The following RAB33A variants were observed in gnomAD, a reference collection of about 807,000 sequenced individuals.
RAB33A encodes the protein RAB33A, member RAS oncogene family.
A neutral mutation model predicts 12.0 loss-of-function variants in RAB33A; 6 were observed. That is an observed-to-expected ratio of 0.50 (90% CI 0.27 to 0.99). The LOEUF (loss-of-function observed/expected upper bound fraction) is 0.99, where lower values mean the gene tolerates loss of function less well. Among genes scored for constraint, RAB33A ranks in the 50% least tolerant of loss-of-function variants. The pLI, the probability that RAB33A is intolerant of heterozygous loss-of-function variation, is 0.11. For synonymous variants in RAB33A, 70 were observed against 82.4 expected (o/e 0.85, Z 0.81); for missense variants, 109 against 192.0 (o/e 0.57, Z 2.55).
the RAB33A span, chrX:130,147,688 T>C: frequency 8.3e-7 from 1 of 1,211,663 alleles, no homozygotes; most frequent in Non-Finnish European, 1.1e-6. Context: ...TGTCAAAGCA[T>C]TCACATTAGC....
Position 130,184,802 on chromosome X carries a change from TG to T in RAB33A, c.*63del, listed in dbSNP as rs774574599. 165 of 1,022,237 alleles carry T rather than the reference TG, an allele frequency of 1.6e-4. 1 individual carries two copies. The South Asian group carries it at 3.4e-3, about 21-fold the overall frequency. 84.2% of individuals were successfully genotyped at this position (1,022,237 alleles called of 1,213,427 possible). A position where few individuals can be genotyped will look rare whatever the true frequency, so the allele number is the denominator to read the frequency against. On this transcript the variant is annotated 3_prime_UTR_variant, in exon 2 of 2. Coordinates refer to ENST00000257017, the MANE Select transcript of RAB33A (RefSeq NM_004794.3). Reference sequence around the variant, plus strand: ...GAGTTTTTTCTTTCCCTTTTTTCTGTGCCTGCATAATGCTGACACCTGCTTG... The same window carrying T: ...GAGTTTTTTCTTTCCCTTTTTTCTGTCCTGCATAATGCTGACACCTGCTTG...
the RAB33A span, among the ~76,000 whole-genome samples, chrX:130,124,183 A>AATCCC: frequency 8.9e-6 from 1 of 111,901 alleles, no homozygotes; most frequent in African/African-American, 3.3e-5. Flanking sequence ...TGACACTGAT[A>AATCCC]ATCCCTGTTG....
At chrX:130,131,912 C>T in the RAB33A span, 42 of 992,895 alleles carry the variant, frequency 4.2e-5, no homozygotes, top group Non-Finnish European at 5.9e-5. Context: ...TCACTCGTTG[C>T]CCAGGCTGGA....
chrX:130,144,166 TTTC>T, the RAB33A span, among the ~76,000 whole-genome samples: 17 of 111,501 alleles, frequency 1.5e-4, no homozygotes, highest in South Asian at 7.5e-4. Flanking sequence ...TACCTCTTAC[TTTC>T]TTCTTCTTCT....
At chrX:130,137,537 C>T in the RAB33A span, 2 of 1,164,166 alleles carry the variant, frequency 1.7e-6, no homozygotes, top group Admixed American at 5.3e-5. Flanking sequence ...TGAAAAAGAA[C>T]ATTAAGAAAA....
At chrX:130,132,359 AAT>A in the RAB33A span, among the ~76,000 whole-genome samples, 1 of 112,172 alleles carries the variant, frequency 8.9e-6, no homozygotes. Flanking sequence ...AACGTTCTTG[AAT>A]TTATTCGTGC....
chrX:130,183,912 G>A (rs765096438), intron 1 of RAB33A, among the ~76,000 whole-genome samples: 1 of 111,099 alleles, frequency 9.0e-6, no homozygotes, highest in South Asian at 3.8e-4. Flanking sequence ...TTTTTGAAAT[G>A]GAGTTTTGCT....
the RAB33A span, chrX:130,140,435 C>T: frequency 1.4e-6 from 1 of 740,682 alleles, no homozygotes; most frequent in Non-Finnish European, 2.1e-6. Context: ...GTCTGGGTTT[C>T]CATTTTCTTA....
chrX:130,148,069 A>G, the RAB33A span: 27 of 513,898 alleles, frequency 5.3e-5, no homozygotes, highest in Non-Finnish European at 8.8e-5. Flanking sequence ...CTTTCATTTC[A>G]TAAGTGAAAA....
the RAB33A span, chrX:130,147,742 T>C: frequency 8.3e-7 from 1 of 1,210,327 alleles, no homozygotes; most frequent in African/African-American, 1.7e-5. Flanking sequence ...CAAAAAAACA[T>C]GCACCTTACC....
At chrX:130,151,030 T>C in the RAB33A span, among the ~76,000 whole-genome samples, 1 of 108,488 alleles carries the variant, frequency 9.2e-6, no homozygotes, top group Non-Finnish European at 1.9e-5. Flanking sequence ...TGCTCTTTTG[T>C]ACCCCACAGG....
At chrX:130,153,252 C>T in the RAB33A span, among the ~76,000 whole-genome samples, 1 of 102,232 alleles carries the variant, frequency 9.8e-6, no homozygotes, top group Admixed American at 1.1e-4. Context: ...CCTCGGGAGG[C>T]TGAGGCAGGA....
At chrX:130,136,833 T>C in the RAB33A span, 1 of 1,027,238 alleles carries the variant, frequency 9.7e-7, no homozygotes. Context: ...AAACCAATTA[T>C]CAGTACACAG....
chrX:130,135,036 C>T, the RAB33A span, among the ~76,000 whole-genome samples: 1 of 109,315 alleles, frequency 9.1e-6, no homozygotes, highest in Non-Finnish European at 1.9e-5. Context: ...GGTGACTTTC[C>T]TCTCCTCTCT....
Position 130,184,419 on chromosome X carries a change from G to T in RAB33A, c.393G>T (p.Trp131Cys). The change falls in exon 2 of 2, where the codon TGG becomes TGT. Residue 131 changes from tryptophan (W) to cysteine (C), a missense_variant. By Grantham distance (215) the Trp-to-Cys change is radical. Coordinates refer to ENST00000257017, the MANE Select transcript of RAB33A (RefSeq NM_004794.3). ...CATCTTTCACCAACCTCAAAATGTG[G>T]ATCCAAGAATGCAATGGGCATGCTG... The part of the protein sequence containing the change: ...KMTSFTNLKM[W>C]IQECNGHAVP... 1 of 1,211,889 alleles carries T rather than the reference G, an allele frequency of 8.3e-7. No individual in the cohort carries two copies. Among genetic ancestry groups the T allele is most frequent in the Non-Finnish European group, 1.1e-6 (1 of 895,418 alleles).
chrX:130,171,682 T>G, upstream of RAB33A: 1 of 184,376 alleles, frequency 5.4e-6, no homozygotes, highest in Non-Finnish European at 1.0e-5. Flanking sequence ...CAGGGGAGGG[T>G]GTGGGCCGAG....
At chrX:130,128,152 C>G in the RAB33A span, among the ~76,000 whole-genome samples, 16 of 111,734 alleles carry the variant, frequency 1.4e-4, no homozygotes, top group Non-Finnish European at 3.8e-5. Flanking sequence ...TTGGTTGAAG[C>G]TGAAACTGCC....
chrX:130,152,831 C>T, the RAB33A span, among the ~76,000 whole-genome samples: 1 of 111,848 alleles, frequency 8.9e-6, no homozygotes, highest in Non-Finnish European at 1.9e-5. Context: ...TGGTTGCATG[C>T]CATTAGTGGG....
At chrX:130,171,268 T>G (rs1428875058), upstream of RAB33A, among the ~76,000 whole-genome samples, 1 of 112,116 alleles carries the variant, frequency 8.9e-6, no homozygotes, top group Admixed American at 9.3e-5. Context: ...ACCTGCTCAC[T>G]CATTAAGACA....
Sources: allele counts gnomAD v4.1 joint callset (sites outside exome capture counted in the v4.1 genomes callset), GRCh38; gene constraint gnomAD v4.1.1; transcripts MANE v1.5; gene names NCBI Gene and HGNC (gene_info 2026-07-23, HGNC 2026-07-21).